The following NEK1 variants were observed in gnomAD, a reference collection of about 807,000 sequenced individuals.
The protein encoded by NEK1 is NIMA related kinase 1.
NEK1 carries 137 observed loss-of-function variants against 182.1 expected under a neutral mutation model. The ratio of observed to expected loss-of-function variants is 0.75; its 90% CI spans 0.65 to 0.87. NEK1 has a LOEUF of 0.87. Ranked by LOEUF, NEK1 falls within the 40% of genes least tolerant of loss-of-function variation. The pLI, the probability that NEK1 is intolerant of heterozygous loss-of-function variation, is 0.00. For synonymous variants in NEK1, 513 were observed against 492.2 expected (o/e 1.04, Z -0.56); for missense variants, 1,391 against 1,494.4 (o/e 0.93, Z 1.14).
intron 23 of NEK1, among the ~76,000 whole-genome samples, chr4:169,493,783 A>G (rs181362344): frequency 6.6e-6 from 1 of 152,328 alleles, no homozygotes; most frequent in East Asian, 1.9e-4. Context: ...CAAGAAATAT[A>G]AGATTATGTA....
At chr4:169,536,042 C>T (rs1015644233) in intron 19 of NEK1, among the ~76,000 whole-genome samples, 1 of 151,730 alleles carries the variant, frequency 6.6e-6, no homozygotes, top group African/African-American at 2.4e-5. Context: ...TGTCTGTAAT[C>T]ACAGCACTTT....
intron 12 of NEK1, among the ~76,000 whole-genome samples, chr4:169,565,735 AT>A (rs1409960213): frequency 6.6e-6 from 1 of 152,230 alleles, no homozygotes; most frequent in Non-Finnish European, 1.5e-5. Flanking sequence ...TTTATATAAA[AT>A]GTTCAGATTA....
intron 6 of NEK1, among the ~76,000 whole-genome samples, chr4:169,589,844 T>C (rs914094113): frequency 6.6e-6 from 1 of 151,964 alleles, no homozygotes; most frequent in Non-Finnish European, 1.5e-5. Context: ...AATTGGACTA[T>C]CAAAATTAAA....
chr4:169,552,376 G>C (rs1432340234), intron 18 of NEK1, among the ~76,000 whole-genome samples: 1 of 143,060 alleles, frequency 7.0e-6, no homozygotes, highest in Non-Finnish European at 1.5e-5. Flanking sequence ...AAAAAAAAAA[G>C]CATTTGACAA....
intron 28 of NEK1, among the ~76,000 whole-genome samples, chr4:169,437,235 A>G (rs1738581289): frequency 6.7e-6 from 1 of 148,564 alleles, no homozygotes; most frequent in African/African-American, 2.5e-5. Flanking sequence ...TTTTTTTTTT[A>G]CTCATAGGTC....
intron 5 of NEK1, 29 bp from the exon 6 acceptor site, chr4:169,590,838 C>T (rs1333212075): frequency 2.1e-6 from 3 of 1,407,896 alleles, no homozygotes; most frequent in Non-Finnish European, 3.0e-6. Context: ...TCTGTCAAGC[C>T]TCTCTTTGAC....
rs1018031096 is a variant in NEK1, at chr4:169,413,105, CT to C, written c.3223-6359del. 1.1e-4 allele frequency among the ~76,000 whole-genome samples: 17 copies of C among 150,592 alleles called. No individual in the cohort carries two copies. The East Asian group carries it at 2.9e-3, about 26-fold the overall frequency. On this transcript the variant is annotated intron_variant, in intron 31 of 35. Transcript: ENST00000507142. The stretch of plus-strand genomic sequence containing the variant: ...TGTGGTGTTAATTTAGTTTATGTCA[CT>C]TTTTTTTTAAAGCAACTCTTTACTC...
chr4:169,542,130 C>CATCTACAT (rs1759539306), intron 18 of NEK1, among the ~76,000 whole-genome samples: 1 of 152,124 alleles, frequency 6.6e-6, no homozygotes, highest in Admixed American at 6.6e-5. Context: ...ATCAACCTGT[C>CATCTACAT]ATCTACATTA....
intron 31 of NEK1, among the ~76,000 whole-genome samples, chr4:169,416,400 A>C (rs758818546): frequency 1.3e-5 from 2 of 152,254 alleles, no homozygotes; most frequent in African/African-American, 4.8e-5. Context: ...CGTGTGGTAG[A>C]TAAGATTTAC....
intron 32 of NEK1, among the ~76,000 whole-genome samples, chr4:169,405,347 T>C (rs1247826259): frequency 2.0e-5 from 3 of 152,056 alleles, no homozygotes; most frequent in African/African-American, 7.2e-5. Context: ...TATCTAAACA[T>C]AGAAAAGGTA....
intron 19 of NEK1, among the ~76,000 whole-genome samples, chr4:169,518,675 G>T: frequency 1.0e-5 from 1 of 96,908 alleles, no homozygotes; most frequent in Non-Finnish European, 1.9e-5. Context: ...ACACTGCTTT[G>T]AATGCGTCCC....
intron 2 of NEK1, among the ~76,000 whole-genome samples, chr4:169,608,607 T>C (rs1011244212): frequency 6.6e-6 from 1 of 152,158 alleles, no homozygotes; most frequent in Non-Finnish European, 1.5e-5. Flanking sequence ...AACGATCTCA[T>C]TTTTCTAACA....
chr4:169,402,903 G>A (rs181407445), intron 32 of NEK1, among the ~76,000 whole-genome samples: 1 of 141,660 alleles, frequency 7.1e-6, no homozygotes, highest in African/African-American at 2.6e-5. Context: ...GGAGTTAACT[G>A]ATGTTTTAGA....
chr4:169,573,957 T>C (rs750150080), intron 12 of NEK1, among the ~76,000 whole-genome samples: 3 of 151,762 alleles, frequency 2.0e-5, no homozygotes, highest in Non-Finnish European at 2.9e-5. Context: ...GCCCAGGAGT[T>C]TGAGACAAGC....
At chr4:169,506,951 AG>A in intron 23 of NEK1, 85 bp downstream of exon 23, 1 of 803,998 alleles carries the variant, frequency 1.2e-6, no homozygotes, top group Non-Finnish European at 1.8e-6. Flanking sequence ...AAAAAGCACA[AG>A]AAAATTATAA....
At chr4:169,417,214 G>C (rs1475852833) in intron 31 of NEK1, among the ~76,000 whole-genome samples, 1 of 152,144 alleles carries the variant, frequency 6.6e-6, no homozygotes, top group Non-Finnish European at 1.5e-5. Context: ...CTCTACTGCA[G>C]GAAAGGGACT....
chr4:169,586,517 AC>A (rs1484260214), intron 9 of NEK1, among the ~76,000 whole-genome samples: 1 of 152,112 alleles, frequency 6.6e-6, no homozygotes, highest in East Asian at 1.9e-4. Context: ...GACACATGCT[AC>A]TTAAGAGTAA....
chr4:169,530,365 A>C (rs536714021), intron 19 of NEK1, among the ~76,000 whole-genome samples: 13 of 152,300 alleles, frequency 8.5e-5, no homozygotes, highest in Non-Finnish European at 1.3e-4. Context: ...CATTCAGTAG[A>C]AAATGTACCT....
At chr4:169,559,136 T>C (rs1443872973) in intron 16 of NEK1, among the ~76,000 whole-genome samples, 1 of 152,192 alleles carries the variant, frequency 6.6e-6, no homozygotes. Flanking sequence ...AGTATGTAAC[T>C]TGAAAATTGT....
Sources: gnomAD v4.1 joint callset for allele counts (sites outside exome capture counted in the v4.1 genomes callset) on GRCh38, gnomAD v4.1.1 for gene constraint, MANE v1.5 for transcripts, NCBI Gene and HGNC (gene_info 2026-07-23, HGNC 2026-07-21) for gene names.